ENOX1: variants seen among roughly 807,000 people sequenced by gnomAD.
ENOX1 encodes the protein ecto-NOX disulfide-thiol exchanger 1, also known as candidate growth-related and time keeping constitutive hydroquinone (NADH) oxidase.
ENOX1 carries 42 observed loss-of-function variants against 82.5 expected under a neutral mutation model. The observed-to-expected ratio is 0.51, with a 90% confidence interval of 0.40 to 0.66. The LOEUF is 0.66. Ranked by LOEUF, ENOX1 falls within the 30% of genes least tolerant of loss-of-function variation. The probability of loss-of-function intolerance (pLI) is 0.00; values close to 1 mark genes in which losing one functional copy is unlikely to be tolerated. For missense variants in ENOX1, 608 were observed against 811.6 expected, an observed-to-expected ratio of 0.75 and a Z score of 3.05; for synonymous variants, 271 against 282.2, an observed-to-expected ratio of 0.96 and a Z score of 0.40.
intron 3 of ENOX1, among the ~76,000 whole-genome samples, chr13:43,423,591 T>C (rs2055106014): frequency 6.6e-6 from 1 of 152,226 alleles, no homozygotes; most frequent in Non-Finnish European, 1.5e-5. Context: ...CAGCTCACTG[T>C]GCCAGATAGT....
chr13:43,704,382 G>A (rs1442280598), intron 1 of ENOX1, among the ~76,000 whole-genome samples: 1 of 151,880 alleles, frequency 6.6e-6, no homozygotes, highest in East Asian at 1.9e-4. Context: ...CTGAAAATAG[G>A]TACAAGCTCC....
chr13:43,630,402 A>C (rs1036090159), intron 2 of ENOX1, among the ~76,000 whole-genome samples: 1 of 152,142 alleles, frequency 6.6e-6, no homozygotes. Flanking sequence ...AGAGTATTCC[A>C]AGAATAAGAC....
chr13:43,247,859 A>ATTTT (rs2043192645), intron 14 of ENOX1, among the ~76,000 whole-genome samples: 1 of 1,764 alleles, frequency 5.7e-4, no homozygotes, highest in Non-Finnish European at 1.2e-3. Flanking sequence ...ATATATATAT[A>ATTTT]TATATATATA....
chr13:43,435,981 C>A (rs529436487), intron 3 of ENOX1, among the ~76,000 whole-genome samples: 1 of 149,748 alleles, frequency 6.7e-6, no homozygotes, highest in African/African-American at 2.5e-5. Context: ...AGAGAAAGTG[C>A]GCAGGCAGCT....
chr13:43,549,724 C>G (rs2079111087), intron 2 of ENOX1, among the ~76,000 whole-genome samples: 1 of 152,202 alleles, frequency 6.6e-6, no homozygotes, highest in African/African-American at 2.4e-5. Context: ...GCCTAATGCT[C>G]TTATGGCTCC....
intron 2 of ENOX1, among the ~76,000 whole-genome samples, chr13:43,499,536 C>A (rs1425946937): frequency 6.6e-6 from 1 of 152,034 alleles, no homozygotes; most frequent in Non-Finnish European, 1.5e-5. Flanking sequence ...CCACCCACAG[C>A]CCTCATCAAC....
intron 2 of ENOX1, among the ~76,000 whole-genome samples, chr13:43,651,555 AGT>A (rs2084170395): frequency 6.6e-6 from 1 of 151,496 alleles, no homozygotes; most frequent in South Asian, 2.1e-4. Flanking sequence ...AAATTAGCTG[AGT>A]GTGGTGGCAG....
intron 1 of ENOX1, among the ~76,000 whole-genome samples, chr13:43,683,301 G>A (rs114265560): frequency 0.05 from 7,593 of 152,134 alleles, 181 homozygotes; most frequent in African/African-American, 0.066. Flanking sequence ...AGAGAGGTAG[G>A]GGTTGGGAAG....
intron 3 of ENOX1, among the ~76,000 whole-genome samples, chr13:43,424,891 G>A (rs182953010): frequency 6.6e-6 from 1 of 152,266 alleles, no homozygotes; most frequent in East Asian, 1.9e-4. Context: ...GGGCACAGGA[G>A]CCTGATGCAA....
At chr13:43,629,214 G>C (rs763458318) in intron 2 of ENOX1, among the ~76,000 whole-genome samples, 27 of 152,182 alleles carry the variant, frequency 1.8e-4, no homozygotes, top group Non-Finnish European at 3.2e-4. Flanking sequence ...CCTGGCACGG[G>C]TAAGAGTGGG....
intron 9 of ENOX1, among the ~76,000 whole-genome samples, chr13:43,331,190 G>A (rs904738319): frequency 3.3e-5 from 5 of 152,172 alleles, no homozygotes; most frequent in African/African-American, 2.4e-5. Context: ...GGAATGCATG[G>A]GAGATGAAAG....
At chr13:43,719,608 T>TC (rs1174153568) in intron 1 of ENOX1, among the ~76,000 whole-genome samples, 1 of 151,928 alleles carries the variant, frequency 6.6e-6, no homozygotes, top group Non-Finnish European at 1.5e-5. Context: ...ACCTGATTAA[T>TC]CCCTCATTTC....
intron 11 of ENOX1, among the ~76,000 whole-genome samples, chr13:43,316,382 A>G (rs1278883190): frequency 6.6e-6 from 1 of 152,170 alleles, no homozygotes; most frequent in African/African-American, 2.4e-5. Context: ...TACATAAAAT[A>G]CCAGATTATG....
At chr13:43,572,929 T>C (rs1185802278) in intron 2 of ENOX1, among the ~76,000 whole-genome samples, 1 of 152,214 alleles carries the variant, frequency 6.6e-6, no homozygotes, top group East Asian at 1.9e-4. Context: ...AATCATCTCC[T>C]CATACATATC....
intron 3 of ENOX1, among the ~76,000 whole-genome samples, chr13:43,460,752 C>T (rs9525780): frequency 0.48 from 68,272 of 143,094 alleles, 16,522 homozygotes; most frequent in African/African-American, 0.51. Flanking sequence ...AGAGATCGCA[C>T]CACTGCACTC....
intron 2 of ENOX1, among the ~76,000 whole-genome samples, chr13:43,634,736 G>A (rs1468544496): frequency 1.3e-5 from 2 of 152,202 alleles, no homozygotes; most frequent in East Asian, 3.8e-4. Flanking sequence ...ATGTCATCAT[G>A]GGTATGTAAG....
chr13:43,490,891 C>T (rs1258634096), intron 2 of ENOX1, among the ~76,000 whole-genome samples: 3 of 152,154 alleles, frequency 2.0e-5, no homozygotes, highest in Non-Finnish European at 4.4e-5. Context: ...CTTCTTTATC[C>T]CTTTCACTGA....
chr13:43,531,950 G>A (rs1462502261), intron 2 of ENOX1, among the ~76,000 whole-genome samples: 1 of 150,882 alleles, frequency 6.6e-6, no homozygotes, highest in African/African-American at 2.4e-5. Flanking sequence ...GGGAGGGATA[G>A]CATTAGGAGA....
chr13:43,419,119 C>T (rs750864411), intron 3 of ENOX1, among the ~76,000 whole-genome samples: 8 of 152,000 alleles, frequency 5.3e-5, no homozygotes, highest in East Asian at 1.9e-4. Context: ...TAGGTATCAG[C>T]GATGCACACA....
Sources: gnomAD v4.1 joint callset for allele counts (sites outside exome capture counted in the v4.1 genomes callset) on GRCh38, gnomAD v4.1.1 for gene constraint, MANE v1.5 for transcripts, NCBI Gene and HGNC (gene_info 2026-07-23, HGNC 2026-07-21) for gene names.